Variants in SNTG1 observed in about 807,000 individuals in gnomAD.
SNTG1 encodes the protein gamma-1-syntrophin.
In SNTG1, 39 loss-of-function variants were observed where a neutral mutation model predicts 74.7. That is an observed-to-expected ratio of 0.52 (90% CI 0.40 to 0.68). The LOEUF (loss-of-function observed/expected upper bound fraction) is 0.68. Among genes scored for constraint, SNTG1 ranks in the 30% least tolerant of loss-of-function variants. The pLI is 0.00. For synonymous variants in SNTG1, 254 were observed against 217.1 expected, an observed-to-expected ratio of 1.17 and a Z score of -1.49; for missense variants, 685 against 609.5, an observed-to-expected ratio of 1.12 and a Z score of -1.30.
At position 50,740,595 on chromosome 8, in the gene SNTG1, C is replaced by A. The variant is rs150129968; in HGVS notation, c.1285-11406C>A. ...AGACAGTATGGTAATTCCTCAAAGA[C>A]CTAAAAATAGAAATATTATTTAACC... On this transcript the variant is annotated intron_variant, in intron 17 of 18. Transcript: ENST00000642720. 9.4e-3 allele frequency among the ~76,000 whole-genome samples: 1,434 copies of A among 151,988 alleles called. 30 individuals are homozygous for A. Among genetic ancestry groups the A allele is most frequent in the African/African-American group, 0.032 (1,323 of 41,474 alleles).
At chr8:50,474,522 A>T (rs569929895) in intron 8 of SNTG1, among the ~76,000 whole-genome samples, 54 of 152,318 alleles carry the variant, frequency 3.5e-4, no homozygotes, top group South Asian at 1.4e-3. Flanking sequence ...CAAAACCGCA[A>T]TGAGATACCA....
chr8:50,381,606 ATCTCCTATTAGT>A, intron 2 of SNTG1, among the ~76,000 whole-genome samples: 10 of 138,706 alleles, frequency 7.2e-5, no homozygotes, highest in East Asian at 2.1e-4. Context: ...ATATATATAT[ATCTCCTATTAGT>A]TATATATATA....
intron 15 of SNTG1, among the ~76,000 whole-genome samples, chr8:50,673,620 A>C (rs1698609635): frequency 6.6e-6 from 1 of 152,172 alleles, no homozygotes; most frequent in Admixed American, 6.6e-5. Context: ...TGTCATCTGC[A>C]AAAAGAGACA....
chr8:50,449,738 G>C lies in SNTG1; in HGVS notation c.277+13G>C. On this transcript the variant is annotated intron_variant, in intron 6 of 18. Transcript: ENST00000642720. ...AAGGAACAAAGAGGTAATATGTTTA[G>C]AGAATTGTGTACCAGCCATTTCTTT... 1.3e-6 allele frequency: 2 copies of C among 1,571,046 alleles called. No individual in the cohort carries two copies. The highest frequency in any genetic ancestry group is 1.7e-6 in the Non-Finnish European group (2 of 1,156,236).
intron 1 of SNTG1, among the ~76,000 whole-genome samples, chr8:50,093,110 G>A (rs2131173786): frequency 6.6e-6 from 1 of 152,174 alleles, no homozygotes; most frequent in Admixed American, 6.6e-5. Context: ...AGATTCATAT[G>A]TGGGTGGACA....
chr8:49,916,326 G>A (rs1322540172), intron 1 of SNTG1, among the ~76,000 whole-genome samples: 1 of 152,080 alleles, frequency 6.6e-6, no homozygotes, highest in African/African-American at 2.4e-5. Context: ...TTTTCACCGT[G>A]AAGTTTCTTC....
chr8:50,129,201 G>A (rs1369206191), intron 1 of SNTG1, among the ~76,000 whole-genome samples: 1 of 152,054 alleles, frequency 6.6e-6, no homozygotes, highest in Non-Finnish European at 1.5e-5. Flanking sequence ...TATATTAAAG[G>A]TCTTTTGTAT....
intron 1 of SNTG1, among the ~76,000 whole-genome samples, chr8:50,166,885 T>C (rs548143736): frequency 1.3e-5 from 2 of 150,588 alleles, no homozygotes; most frequent in South Asian, 2.1e-4. Flanking sequence ...ATGTCCAACA[T>C]TGATAGACTG....
chr8:50,635,042 A>T lies in SNTG1; in HGVS notation c.850-21867A>T, dbSNP rs183948764. Among the ~76,000 whole-genome samples, 243 of 152,284 alleles carry T rather than the reference A, an allele frequency of 1.6e-3. 2 individuals are homozygous for T. Among genetic ancestry groups the T allele is most frequent in the Middle Eastern group, 0.01 (3 of 294 alleles). ...TTCATGCTCCTCCCAAATGTAAAAT[A>T]CATTCAACCTTTCAAAGCTTTCCAA... is the stretch of plus-strand genomic sequence containing the variant. On this transcript the variant is annotated intron_variant, in intron 13 of 18. Coordinates refer to ENST00000642720, the MANE Select transcript of SNTG1 (RefSeq NM_018967.5).
intron 8 of SNTG1, among the ~76,000 whole-genome samples, chr8:50,458,342 A>C (rs1264411659): frequency 6.6e-6 from 1 of 152,204 alleles, no homozygotes; most frequent in African/African-American, 2.4e-5. Flanking sequence ...ATGCAGAAAA[A>C]GAAGAGCTCT....
Position 49,911,899 on chromosome 8 carries a change from C to T in SNTG1, c.-435C>T, listed in dbSNP as rs568663463. 1 of 147,656 alleles carries T rather than the reference C, an allele frequency of 6.8e-6. No homozygotes were observed. The highest frequency in any genetic ancestry group is 2.0e-4 in the East Asian group (1 of 4,942). 9.1% of individuals were successfully genotyped at this position (147,656 alleles called of 1,614,324 possible). A position where few individuals can be genotyped will look rare whatever the true frequency, so the allele number is the denominator to read the frequency against. ...CTTAATGGATGAAAAGTACCCCTCC[C>T]TCTACACCTGCTGTACCTAAGGACA... On this transcript the variant is annotated 5_prime_UTR_variant, in exon 1 of 19. Coordinates refer to ENST00000642720, the MANE Select transcript of SNTG1 (RefSeq NM_018967.5).
intron 8 of SNTG1, among the ~76,000 whole-genome samples, chr8:50,493,294 A>G (rs900193448): frequency 1.3e-5 from 2 of 152,178 alleles, no homozygotes; most frequent in Non-Finnish European, 2.9e-5. Context: ...CCAACCAAAA[A>G]CAAATGAATG....
intron 2 of SNTG1, among the ~76,000 whole-genome samples, chr8:50,350,516 A>C (rs1371901998): frequency 4.0e-5 from 6 of 151,404 alleles, no homozygotes; most frequent in African/African-American, 1.5e-4. Context: ...GGGTTTGTGA[A>C]TGCACCAATC....
intron 17 of SNTG1, among the ~76,000 whole-genome samples, chr8:50,733,739 T>C (rs1292827865): frequency 6.6e-6 from 1 of 152,026 alleles, no homozygotes; most frequent in Non-Finnish European, 1.5e-5. Flanking sequence ...TTTTAAGAAA[T>C]GTGTGTTCGT....
intron 1 of SNTG1, among the ~76,000 whole-genome samples, chr8:49,969,918 CTG>C (rs34129313): frequency 0.59 from 87,493 of 148,952 alleles, 27,640 homozygotes; most frequent in Non-Finnish European, 0.7. Flanking sequence ...AATAAAAAAC[CTG>C]TGTGTGTGTG....
chr8:50,309,370 A>G (rs1478867642), intron 2 of SNTG1, among the ~76,000 whole-genome samples: 2 of 152,148 alleles, frequency 1.3e-5, no homozygotes, highest in African/African-American at 4.8e-5. Flanking sequence ...CAAAAAAAAA[A>G]AAATCACTGT....
At chr8:50,254,714 T>G (rs2086796662) in intron 2 of SNTG1, among the ~76,000 whole-genome samples, 1 of 151,902 alleles carries the variant, frequency 6.6e-6, no homozygotes, top group African/African-American at 2.4e-5. Flanking sequence ...GGCGTGGTGA[T>G]GCGTGCCTGT....
At chr8:50,732,133 C>T (rs1028730623) in intron 17 of SNTG1, among the ~76,000 whole-genome samples, 1 of 151,904 alleles carries the variant, frequency 6.6e-6, no homozygotes, top group Non-Finnish European at 1.5e-5. Context: ...GCCAGAGGAA[C>T]TTTATTATGA....
At chr8:49,974,988 C>T (rs1223319907) in intron 1 of SNTG1, among the ~76,000 whole-genome samples, 1 of 151,964 alleles carries the variant, frequency 6.6e-6, no homozygotes, top group Non-Finnish European at 1.5e-5. Flanking sequence ...GTGCACAGGT[C>T]CAGGCAGGGT....
Sources: gnomAD v4.1 joint callset for allele counts (sites outside exome capture counted in the v4.1 genomes callset) on GRCh38, gnomAD v4.1.1 for gene constraint, MANE v1.5 for transcripts, NCBI Gene and HGNC (gene_info 2026-07-23, HGNC 2026-07-21) for gene names.